The following NR3C2 variants were observed in gnomAD, a reference collection of about 807,000 sequenced individuals.
NR3C2 encodes nuclear receptor subfamily 3 group C member 2, also known as mineralocorticoid receptor.
NR3C2 carries 15 observed loss-of-function variants against 86.4 expected under a neutral mutation model. The ratio of observed to expected loss-of-function variants is 0.17; its 90% CI spans 0.12 to 0.27. The LOEUF is 0.27. Among genes scored for constraint, NR3C2 ranks in the 10% least tolerant of loss-of-function variants. The pLI, the probability that NR3C2 is intolerant of heterozygous loss-of-function variation, is 1.00. For synonymous variants in NR3C2, 458 were observed against 450.5 expected (o/e 1.02, Z -0.21); for missense variants, 960 against 1,195.6 (o/e 0.80, Z 2.91).
At chr4:148,207,235 T>C (rs997593402) in intron 3 of NR3C2, among the ~76,000 whole-genome samples, 4 of 152,160 alleles carry the variant, frequency 2.6e-5, no homozygotes, top group African/African-American at 9.7e-5. Context: ...AAATAGGTGA[T>C]ACTATCCTCA....
In NR3C2 at chr4:148,166,948, A is replaced by T. The variant is rs908644810; in HGVS notation, c.2015-12047T>A. Among the ~76,000 whole-genome samples the T allele has an allele frequency of 1.4e-4, 21 of 152,100 alleles. 1 individual carries two copies. The highest frequency in any genetic ancestry group is 3.1e-4 in the Non-Finnish European group (21 of 68,014). ...GCAATTCACATTTAAATTGCTATTA[A>T]TTTTTAAAGTAACATCACATTGATA... On this transcript the variant is annotated intron_variant, in intron 4 of 8. Transcript: ENST00000358102.
intron 4 of NR3C2, among the ~76,000 whole-genome samples, chr4:148,171,828 T>C (rs1578969397): frequency 6.6e-6 from 1 of 152,306 alleles, no homozygotes; most frequent in East Asian, 1.9e-4. Flanking sequence ...CACTGCTTAT[T>C]TCCACTCTAC....
Position 148,430,381 on chromosome 4 carries a change from T to C in NR3C2, c.1757+4723A>G, listed in dbSNP as rs543158396. ...TGTTTAAAAATGAAACTCACAAAAG[T>C]ACACTGTACATAGTGATTTGTGTAT... On this transcript the variant is annotated intron_variant, in intron 2 of 8. Coordinates refer to ENST00000358102, the MANE Select transcript of NR3C2 (RefSeq NM_000901.5). Among the ~76,000 whole-genome samples, 10 of 152,290 alleles carry C rather than the reference T, an allele frequency of 6.6e-5. No homozygotes were observed. In the South Asian group the frequency reaches 2.1e-3, roughly 32 times the overall value.
At chr4:148,390,035 CAT>C (rs970667750) in intron 2 of NR3C2, among the ~76,000 whole-genome samples, 2 of 151,198 alleles carry the variant, frequency 1.3e-5, no homozygotes, top group Non-Finnish European at 2.9e-5. Context: ...AAGGATAAAA[CAT>C]AGACTGGAGA....
At chr4:148,157,908 T>C (rs1734476847) in intron 4 of NR3C2, among the ~76,000 whole-genome samples, 2 of 152,174 alleles carry the variant, frequency 1.3e-5, no homozygotes, top group East Asian at 1.9e-4. Context: ...AGATAAAAGA[T>C]AAGCTATCAA....
intron 2 of NR3C2, among the ~76,000 whole-genome samples, chr4:148,268,728 G>C (rs1373423850): frequency 6.6e-6 from 1 of 152,158 alleles, no homozygotes; most frequent in Non-Finnish European, 1.5e-5. Context: ...GACAATCACA[G>C]AAAATGGCCC....
At chr4:148,439,711 C>T (rs967717616) in intron 1 of NR3C2, among the ~76,000 whole-genome samples, 6 of 152,118 alleles carry the variant, frequency 3.9e-5, no homozygotes, top group Non-Finnish European at 7.3e-5. Context: ...CTTTTTAATC[C>T]AGCATTCCTC....
chr4:148,289,933 A>G (rs1741718841), intron 2 of NR3C2, among the ~76,000 whole-genome samples: 5 of 152,088 alleles, frequency 3.3e-5, no homozygotes, highest in Admixed American at 3.3e-4. Context: ...CCTGCCTCCA[A>G]CCACAGGAGC....
At chr4:148,224,264 A>T (rs1170360376) in intron 3 of NR3C2, among the ~76,000 whole-genome samples, 2 of 152,210 alleles carry the variant, frequency 1.3e-5, no homozygotes, top group Non-Finnish European at 2.9e-5. Flanking sequence ...TATGACTAAG[A>T]GAAAAATTGA....
intron 2 of NR3C2, among the ~76,000 whole-genome samples, chr4:148,361,900 C>T (rs922483057): frequency 4.6e-4 from 70 of 152,136 alleles, no homozygotes; most frequent in Admixed American, 4.5e-3. Context: ...TGCAGTGGCA[C>T]GATCTTGGCT....
chr4:148,319,620 TTTTA>T (rs1743438798), intron 2 of NR3C2, among the ~76,000 whole-genome samples: 1 of 149,952 alleles, frequency 6.7e-6, no homozygotes, highest in Admixed American at 6.6e-5. Context: ...TTCCTAGGTA[TTTTA>T]TTCTCTTTGA....
At chr4:148,193,160 G>A (rs1736280811) in intron 4 of NR3C2, among the ~76,000 whole-genome samples, 1 of 152,240 alleles carries the variant, frequency 6.6e-6, no homozygotes, top group Non-Finnish European at 1.5e-5. Context: ...CCTTGCTGCT[G>A]CTTCTTCTAC....
intron 6 of NR3C2, among the ~76,000 whole-genome samples, chr4:148,129,155 A>G (rs1195645555): frequency 6.6e-6 from 1 of 152,256 alleles, no homozygotes; most frequent in Non-Finnish European, 1.5e-5. Context: ...ATGGATAAAC[A>G]TGTGGTATAT....
At chr4:148,398,906 AGAGT>A (rs1370741991) in intron 2 of NR3C2, among the ~76,000 whole-genome samples, 1 of 152,160 alleles carries the variant, frequency 6.6e-6, no homozygotes, top group African/African-American at 2.4e-5. Flanking sequence ...AGGGGTTCAG[AGAGT>A]GTGTTTGGGG....
chr4:148,083,590 CA>C (rs370363597), intron 8 of NR3C2, among the ~76,000 whole-genome samples: 45 of 152,034 alleles, frequency 3.0e-4, no homozygotes, highest in African/African-American at 1.1e-3. Context: ...GAAACCAGTG[CA>C]AAAAAGCCTG....
chr4:148,300,352 A>C (rs1742276361), intron 2 of NR3C2, among the ~76,000 whole-genome samples: 1 of 152,182 alleles, frequency 6.6e-6, no homozygotes, highest in Non-Finnish European at 1.5e-5. Context: ...CTGAAAGGTT[A>C]CCTTTGGTAA....
intron 2 of NR3C2, among the ~76,000 whole-genome samples, chr4:148,274,887 G>A (rs941051978): frequency 2.6e-5 from 4 of 151,782 alleles, no homozygotes; most frequent in African/African-American, 7.3e-5. Context: ...TAGTAGAGAT[G>A]GGGTTTTACC....
At chr4:148,428,878 C>G (rs949893814) in intron 2 of NR3C2, among the ~76,000 whole-genome samples, 1 of 152,194 alleles carries the variant, frequency 6.6e-6, no homozygotes, top group Non-Finnish European at 1.5e-5. Flanking sequence ...CTGCCATGTC[C>G]TGCTCCAATA....
intron 2 of NR3C2, among the ~76,000 whole-genome samples, chr4:148,383,675 G>A (rs375924592): frequency 7.2e-5 from 11 of 152,136 alleles, no homozygotes; most frequent in South Asian, 2.1e-4. Flanking sequence ...CCTTTTGGAC[G>A]GGCGCAGTGG....
Sources: gnomAD v4.1 joint callset for allele counts (sites outside exome capture counted in the v4.1 genomes callset) on GRCh38, gnomAD v4.1.1 for gene constraint, MANE v1.5 for transcripts, NCBI Gene and HGNC (gene_info 2026-07-23, HGNC 2026-07-21) for gene names.